The following KIF16B variants were observed in gnomAD, a reference collection of about 807,000 sequenced individuals.
The protein encoded by KIF16B is kinesin-like protein KIF16B.
In KIF16B, 98 loss-of-function variants were observed where a neutral mutation model predicts 156.3. The ratio of observed to expected loss-of-function variants is 0.63; its 90% confidence interval spans 0.53 to 0.74. KIF16B has a LOEUF of 0.74. Ranked by LOEUF, KIF16B falls within the 30% of genes least tolerant of loss-of-function variation. The probability of loss-of-function intolerance (pLI) is 0.00; values close to 1 mark genes in which losing one functional copy is unlikely to be tolerated. For missense variants in KIF16B, 1,421 were observed against 1,606.5 expected (o/e 0.88, Z 1.97); for synonymous variants, 564 against 583.7 (o/e 0.97, Z 0.49).
chr20:16,519,344 C>T (rs2069251945), intron 3 of KIF16B, among the ~76,000 whole-genome samples: 1 of 152,130 alleles, frequency 6.6e-6, no homozygotes, highest in Non-Finnish European at 1.5e-5. Flanking sequence ...CTTGTCCTGG[C>T]CTCAAGTAAT....
At chr20:16,455,197 T>C (rs187556582) in intron 12 of KIF16B, among the ~76,000 whole-genome samples, 4 of 152,020 alleles carry the variant, frequency 2.6e-5, no homozygotes, top group African/African-American at 9.7e-5. Context: ...AACCAACTTG[T>C]TTTTTTAAAA....
chr20:16,400,712 T>C (rs1422741325), intron 17 of KIF16B, among the ~76,000 whole-genome samples: 1 of 152,212 alleles, frequency 6.6e-6, no homozygotes. Context: ...ACATGCTATA[T>C]GGTGGATGAA....
intron 12 of KIF16B, among the ~76,000 whole-genome samples, chr20:16,466,445 A>G (rs1317839054): frequency 6.6e-6 from 1 of 152,178 alleles, no homozygotes; most frequent in African/African-American, 2.4e-5. Flanking sequence ...CGTGGGAGGG[A>G]CCCAGTGGGA....
intron 12 of KIF16B, among the ~76,000 whole-genome samples, chr20:16,493,877 T>C (rs576224112): frequency 2.6e-5 from 4 of 152,342 alleles, no homozygotes; most frequent in African/African-American, 9.6e-5. Flanking sequence ...CTAGCCGTGC[T>C]TTGCAAGCAT....
intron 17 of KIF16B, among the ~76,000 whole-genome samples, chr20:16,389,349 T>C (rs2065307021): frequency 6.6e-6 from 1 of 152,158 alleles, no homozygotes; most frequent in Non-Finnish European, 1.5e-5. Flanking sequence ...CTCTGCAAAT[T>C]ATGCAGCTAG....
intron 17 of KIF16B, among the ~76,000 whole-genome samples, chr20:16,392,967 G>C (rs1313751466): frequency 6.6e-6 from 1 of 152,154 alleles, no homozygotes; most frequent in Non-Finnish European, 1.5e-5. Flanking sequence ...ATAGTTCTGA[G>C]TGTCTTTAAT....
chr20:16,500,183 C>T (rs1461705972), intron 10 of KIF16B, among the ~76,000 whole-genome samples: 2 of 152,142 alleles, frequency 1.3e-5, no homozygotes, highest in Admixed American at 6.5e-5. Flanking sequence ...GATGTACCCA[C>T]GAACATGTAT....
intron 3 of KIF16B, among the ~76,000 whole-genome samples, chr20:16,519,100 T>C (rs1600606164): frequency 6.6e-6 from 1 of 152,286 alleles, no homozygotes; most frequent in East Asian, 1.9e-4. Context: ...GAGTTAAAAT[T>C]TAACACATTT....
chr20:16,395,006 A>G (rs554763841), intron 17 of KIF16B, among the ~76,000 whole-genome samples: 1 of 151,674 alleles, frequency 6.6e-6, no homozygotes, highest in Admixed American at 6.6e-5. Flanking sequence ...CTGTGCACTG[A>G]GTAAACAACA....
chr20:16,543,885 A>T lies in KIF16B; in HGVS notation c.48-15445T>A, dbSNP rs1205017832. ...TCAAAGCTCCCACTACAGAGTCAGC[A>T]TTGTAAAAGGAACTCAGGAACTCAG... is the stretch of plus-strand genomic sequence containing the variant. On this transcript the variant is annotated intron_variant, in intron 1 of 25. Coordinates refer to ENST00000354981, the MANE Select transcript of KIF16B (RefSeq NM_024704.5). 2.6e-5 allele frequency among the ~76,000 whole-genome samples: 4 copies of T among 152,316 alleles called. No homozygotes were observed. The East Asian group carries it at 7.7e-4, about 29-fold the overall frequency.
intron 23 of KIF16B, among the ~76,000 whole-genome samples, chr20:16,346,918 A>G (rs1232460858): frequency 6.6e-6 from 1 of 152,232 alleles, no homozygotes; most frequent in Non-Finnish European, 1.5e-5. Flanking sequence ...AGGCAAACCA[A>G]GGAATGTAAA....
intron 1 of KIF16B, among the ~76,000 whole-genome samples, chr20:16,572,440 A>G (rs2071489951): frequency 6.7e-6 from 1 of 148,214 alleles, no homozygotes; most frequent in Non-Finnish European, 1.5e-5. Context: ...ACCTTGGAGG[A>G]CACATCCCAT....
At chr20:16,483,256 C>G (rs961784075) in intron 12 of KIF16B, among the ~76,000 whole-genome samples, 8 of 152,130 alleles carry the variant, frequency 5.3e-5, no homozygotes, top group African/African-American at 1.9e-4. Flanking sequence ...TCAAACCATG[C>G]CTAAACTCCA....
intron 24 of KIF16B, among the ~76,000 whole-genome samples, chr20:16,323,369 G>A (rs939268393): frequency 6.6e-6 from 1 of 151,932 alleles, no homozygotes; most frequent in South Asian, 2.1e-4. Flanking sequence ...AGCCATTCTA[G>A]CTTTTGAGAA....
In KIF16B at chr20:16,565,829, G is replaced by C. The variant is rs183458233; in HGVS notation, c.47+7400C>G. On this transcript the variant is annotated intron_variant, in intron 1 of 25. Coordinates refer to ENST00000354981, the MANE Select transcript of KIF16B (RefSeq NM_024704.5). The stretch of plus-strand genomic sequence containing the variant: ...GGCCAGCATCACTGCCTTTGGGAAA[G>C]GTCATTCTTCCACTTAATAAGGCCC... Among the ~76,000 whole-genome samples, 158 of 152,300 alleles carry C rather than the reference G, an allele frequency of 1.0e-3. 1 individual carries two copies. Among genetic ancestry groups the C allele is most frequent in the Non-Finnish European group, 1.9e-3 (131 of 68,034 alleles).
At chr20:16,453,270 T>C (rs1369007955) in intron 12 of KIF16B, among the ~76,000 whole-genome samples, 1 of 151,874 alleles carries the variant, frequency 6.6e-6, no homozygotes, top group Non-Finnish European at 1.5e-5. Flanking sequence ...CCTGTCTCAA[T>C]CAATCAATCA....
At chr20:16,552,764 C>T (rs368787440) in intron 1 of KIF16B, among the ~76,000 whole-genome samples, 16 of 152,244 alleles carry the variant, frequency 1.1e-4, no homozygotes, top group African/African-American at 2.4e-4. Flanking sequence ...GAAATATGTG[C>T]TTATATATTC....
At position 16,379,792 on chromosome 20, in the gene KIF16B, T is replaced by C. The variant is rs1450160704; in HGVS notation, c.2210A>G (p.Lys737Arg). The C allele has an allele frequency of 3.7e-6, 6 of 1,614,098 alleles. No homozygotes were observed. The highest frequency in any genetic ancestry group is 5.1e-6 in the Non-Finnish European group (6 of 1,180,046). ...TTCAAGCTTGGCATACTGTTCATCT[T>C]TTTCCTTTTGGAGCTGGTCCAGTTC... The part of the protein sequence containing the change: ...FQELDQLQKE[K>R]DEQYAKLELE... The change falls in exon 19 of 26, where the codon AAA (lysine) becomes AGA (arginine). Residue 737 changes from lysine (K) to arginine (R), a missense_variant. Physicochemically the swap from Lys to Arg is conservative, Grantham distance 26. Coordinates refer to ENST00000354981, the MANE Select transcript of KIF16B (RefSeq NM_024704.5).
intron 3 of KIF16B, among the ~76,000 whole-genome samples, chr20:16,523,515 C>G (rs775549918): frequency 1.3e-5 from 2 of 152,136 alleles, no homozygotes; most frequent in Non-Finnish European, 2.9e-5. Context: ...GTACAAACCA[C>G]TGCTCAAAGA....
Sources: allele counts gnomAD v4.1 joint callset (sites outside exome capture counted in the v4.1 genomes callset), GRCh38; gene constraint gnomAD v4.1.1; transcripts MANE v1.5; gene names NCBI Gene and HGNC (gene_info 2026-07-23, HGNC 2026-07-21).